Variants in TRRAP observed in about 807,000 individuals in gnomAD.
TRRAP encodes the protein transformation/transcription domain-associated protein.
In TRRAP, 41 loss-of-function variants were observed where a neutral mutation model predicts 438.8. The observed-to-expected ratio is 0.09, with a 90% confidence interval of 0.07 to 0.12. The LOEUF (loss-of-function observed/expected upper bound fraction) is 0.12. Ranked by LOEUF, TRRAP falls within the 10% of genes least tolerant of loss-of-function variation. The pLI is 1.00. For missense variants in TRRAP, 3,122 were observed against 5,055.1 expected, an observed-to-expected ratio of 0.62 and a Z score of 11.60; for synonymous variants, 1,994 against 1,962.9, an observed-to-expected ratio of 1.02 and a Z score of -0.42.
chr7:98,927,234 C>G lies in TRRAP; in HGVS notation c.3043C>G (p.Arg1015Gly). The G allele has an allele frequency of 1.9e-6, 3 of 1,614,208 alleles. No homozygotes were observed. The highest frequency in any genetic ancestry group is 1.3e-5 in the African/African-American group (1 of 75,050). Reference sequence around the variant, plus strand: ...CTACAAAGCCCAGGACACTCCAGCCCGGAAGACTTTTGAGCAGGCCCTGAC... The same window carrying G: ...CTACAAAGCCCAGGACACTCCAGCCGGGAAGACTTTTGAGCAGGCCCTGAC... ...HRYKAQDTPA[R>G]KTFEQALTGA... Residue 1015 changes from arginine (R) to glycine (G), a missense_variant, in exon 23 of 73, where the codon CGG becomes GGG. Coordinates refer to ENST00000456197, the MANE Select transcript of TRRAP (RefSeq NM_001375524.1).
chr7:98,954,572 C>G (rs1342386105), intron 40 of TRRAP, among the ~76,000 whole-genome samples: 1 of 152,228 alleles, frequency 6.6e-6, no homozygotes, highest in Non-Finnish European at 1.5e-5. Context: ...GTGACCTTCT[C>G]TGCTCCTCCC....
intron 24 of TRRAP, 58 bp downstream of exon 24, chr7:98,930,264 T>G: frequency 6.3e-7 from 1 of 1,580,922 alleles, no homozygotes; most frequent in Non-Finnish European, 8.7e-7. Flanking sequence ...CTGAGAGTGG[T>G]CCTTCTAGAA....
Position 98,910,217 on chromosome 7 carries a change from T to TTCCCCCC in TRRAP, c.1512_1513insTCCCCCC (p.Ala505SerfsTer70). 6 of 1,045,582 alleles carry TTCCCCCC rather than the reference T, an allele frequency of 5.7e-6. No homozygotes were observed. Among genetic ancestry groups the TTCCCCCC allele is most frequent in the South Asian group, 1.7e-5 (1 of 57,704 alleles). The allele number at this position is 1,045,582 out of a possible 1,614,324, so 64.8% of individuals were successfully genotyped here. ...CTGCTCCCTCCCCAGCCCCTGTCCC[T>TTCCCCCC]GCCCCACCTCCACCCCCGCCCCCAC... On this transcript the variant is annotated frameshift_variant, in exon 15 of 73. Coordinates refer to ENST00000456197, the MANE Select transcript of TRRAP (RefSeq NM_001375524.1). LOFTEE classifies it high-confidence loss of function.
intron 21 of TRRAP, among the ~76,000 whole-genome samples, chr7:98,924,089 A>G (rs192746568): frequency 6.6e-6 from 1 of 152,394 alleles, no homozygotes; most frequent in African/African-American, 2.4e-5. Flanking sequence ...TCTGCTTTGC[A>G]GAAAGTTCAT....
In TRRAP at chr7:98,964,615, T is replaced by G; in HGVS notation, c.6830-14T>G. The G allele has an allele frequency of 1.2e-6, 2 of 1,603,234 alleles. No homozygotes were observed. The highest frequency in any genetic ancestry group is 1.7e-6 in the Non-Finnish European group (2 of 1,176,654). On this transcript the variant is annotated splice_polypyrimidine_tract_variant and intron_variant, in intron 47 of 72. Coordinates refer to ENST00000456197, the MANE Select transcript of TRRAP (RefSeq NM_001375524.1). ...TACTTTTCTGTGAAACACTTGGCAATTTCTACATTTTAGGGACCCTTATGA... is the reference window on the plus strand; with the variant it reads ...TACTTTTCTGTGAAACACTTGGCAAGTTCTACATTTTAGGGACCCTTATGA...
chr7:98,989,156 C>T (rs1000110303), intron 63 of TRRAP, among the ~76,000 whole-genome samples, 190 bp downstream of exon 63: 2 of 152,210 alleles, frequency 1.3e-5, no homozygotes, highest in African/African-American at 4.8e-5. Context: ...GAGGCCTGGA[C>T]ACTCTTAGGG....
At chr7:98,995,710 C>T (rs148282669) in intron 67 of TRRAP, among the ~76,000 whole-genome samples, 88 of 148,770 alleles carry the variant, frequency 5.9e-4, no homozygotes, top group Admixed American at 1.4e-3. Context: ...CATACACACA[C>T]ATGTCCCATC....
At chr7:98,894,097 A>G (rs1796089723) in intron 6 of TRRAP, among the ~76,000 whole-genome samples, 1 of 152,232 alleles carries the variant, frequency 6.6e-6, no homozygotes, top group Non-Finnish European at 1.5e-5. Flanking sequence ...AAATGTATTA[A>G]ATGACCAAAC....
rs773151398 is a variant in TRRAP at position 98,990,420 on chromosome 7, G to C, written c.9592-35G>C. 9.4e-6 allele frequency: 15 copies of C among 1,602,376 alleles called. No individual in the cohort carries two copies. In the South Asian group the frequency reaches 1.5e-4, roughly 16 times the overall value. Reference sequence around the variant, plus strand: ...TCTCTTGCTTGAGGGCTTCAGAATTGTCATTCTACTCTAGAATTTCTCCTT... The same window carrying C: ...TCTCTTGCTTGAGGGCTTCAGAATTCTCATTCTACTCTAGAATTTCTCCTT... On this transcript the variant is annotated intron_variant, in intron 63 of 72. Coordinates refer to ENST00000456197, the MANE Select transcript of TRRAP (RefSeq NM_001375524.1).
rs368237221 is a variant in TRRAP, at chr7:98,918,596, G to T, written c.2622+917G>T. 1.1e-4 allele frequency among the ~76,000 whole-genome samples: 16 copies of T among 152,040 alleles called. No individual in the cohort carries two copies. The East Asian group carries it at 1.3e-3, about 13-fold the overall frequency. On this transcript the variant is annotated intron_variant, in intron 20 of 72. Transcript: ENST00000456197. ...TTATGGTTACTATACGGCCACCATT[G>T]CTTCCAGTGAGAACCTCTCTATCCA...
rs144313440 is a variant in TRRAP at position 98,881,662 on chromosome 7, T to G, written c.101-313T>G. ...TTTGAGATTAATCGTAACAGTAACT[T>G]TTATTCTCATTTTCCTTTTCTCTAC... is the stretch of plus-strand genomic sequence containing the variant. On this transcript the variant is annotated intron_variant, in intron 2 of 72. Coordinates refer to ENST00000456197, the MANE Select transcript of TRRAP (RefSeq NM_001375524.1). 2.7e-5 allele frequency: 9 copies of G among 333,714 alleles called. No individual in the cohort carries two copies. The Admixed American group carries it at 2.7e-4, about 10-fold the overall frequency. 20.7% of individuals were successfully genotyped at this position (333,714 alleles called of 1,614,324 possible).
chr7:98,940,075 G>T (rs1554415233), intron 30 of TRRAP, among the ~76,000 whole-genome samples: 1 of 151,880 alleles, frequency 6.6e-6, no homozygotes, highest in African/African-American at 2.4e-5. Flanking sequence ...TAGAGACTGG[G>T]TTTTCACCGT....
At chr7:98,890,561 G>A in intron 4 of TRRAP, 116 bp downstream of exon 4, 1 of 737,900 alleles carries the variant, frequency 1.4e-6, no homozygotes. Context: ...TGTCACATAA[G>A]GATAACTTTG....
intron 20 of TRRAP, among the ~76,000 whole-genome samples, chr7:98,919,700 T>A (rs1213923103): frequency 6.6e-6 from 1 of 152,212 alleles, no homozygotes; most frequent in Non-Finnish European, 1.5e-5. Flanking sequence ...ACAGTAGTAT[T>A]GGTTCTACAA....
At chr7:99,010,727 G>T (rs1433005678) in intron 70 of TRRAP, among the ~76,000 whole-genome samples, 1 of 152,166 alleles carries the variant, frequency 6.6e-6, no homozygotes, top group Non-Finnish European at 1.5e-5. Context: ...TAATTGGCCT[G>T]ATATATTCCA....
At chr7:98,959,531 G>A in intron 45 of TRRAP, 41 bp downstream of exon 45, 1 of 1,596,426 alleles carries the variant, frequency 6.3e-7, no homozygotes, top group Non-Finnish European at 8.5e-7. Context: ...GCGCCACCGA[G>A]GCCACTAGCA....
intron 58 of TRRAP, 53 bp from the exon 59 acceptor site, chr7:98,981,715 AC>A: frequency 2.6e-6 from 4 of 1,533,916 alleles, no homozygotes; most frequent in Non-Finnish European, 3.5e-6. Flanking sequence ...TTGACACTTT[AC>A]ACTGAGGGAA....
intron 20 of TRRAP, 52 bp downstream of exon 20, chr7:98,917,731 C>T (rs782129022): frequency 7.6e-5 from 121 of 1,587,088 alleles, no homozygotes; most frequent in Admixed American, 1.7e-5. Flanking sequence ...AGCAGTGGGC[C>T]GTCATTGGGT....
intron 40 of TRRAP, 46 bp from the exon 41 acceptor site, chr7:98,955,052 A>G: frequency 6.4e-7 from 1 of 1,565,634 alleles, no homozygotes; most frequent in Non-Finnish European, 8.7e-7. Flanking sequence ...CTTATTTCTT[A>G]AAGCCTTCCT....
Sources: gnomAD v4.1 joint callset for allele counts (sites outside exome capture counted in the v4.1 genomes callset) on GRCh38, gnomAD v4.1.1 for gene constraint, MANE v1.5 for transcripts, NCBI Gene and HGNC (gene_info 2026-07-23, HGNC 2026-07-21) for gene names.